Variants in CSMD2 observed in about 807,000 individuals in gnomAD.
CSMD2 encodes the protein CUB and Sushi multiple domains 2, also known as CUB and sushi domain-containing protein 2.
Under a neutral mutation model 398.5 loss-of-function variants are expected in CSMD2, and 130 were observed. The observed-to-expected ratio is 0.33, with a 90% CI of 0.28 to 0.38. CSMD2 has a LOEUF of 0.38. CSMD2 is among the 10% of genes least tolerant of loss of function. The probability of loss-of-function intolerance (pLI) is 1.00; values close to 1 mark genes in which losing one functional copy is unlikely to be tolerated. For missense variants in CSMD2, 3,829 were observed against 4,764.9 expected (o/e 0.80, Z 5.78); for synonymous variants, 1,828 against 1,908.5 (o/e 0.96, Z 1.10).
At chr1:33,544,294 T>A (rs12135313) in intron 57 of CSMD2, among the ~76,000 whole-genome samples, 1 of 149,076 alleles carries the variant, frequency 6.7e-6, no homozygotes, top group Non-Finnish European at 1.5e-5. Context: ...TTTTTTTGTA[T>A]TTTTAGTAGA....
At chr1:33,824,078 A>G (rs932198930) in intron 7 of CSMD2, among the ~76,000 whole-genome samples, 1 of 152,182 alleles carries the variant, frequency 6.6e-6, no homozygotes, top group African/African-American at 2.4e-5. Context: ...TACAGATGTG[A>G]AAACTGAAAC....
In CSMD2 at chr1:33,738,662, T is replaced by A. The variant is rs150346111; in HGVS notation, c.2368+478A>T. Among the ~76,000 whole-genome samples the A allele has an allele frequency of 3.4e-3, 510 of 152,206 alleles. 4 individuals are homozygous for A. The highest frequency in any genetic ancestry group is 0.027 in the Middle Eastern group (8 of 294). The stretch of plus-strand genomic sequence containing the variant: ...GTCTCCTGGAGACTGACCACAAGGA[T>A]ATAAAGTCAGCATTTAACAGGGCAC... On this transcript the variant is annotated intron_variant, in intron 15 of 70. Transcript: ENST00000373381.
chr1:34,142,150 C>A (rs1639352844), intron 1 of CSMD2, among the ~76,000 whole-genome samples: 1 of 152,182 alleles, frequency 6.6e-6, no homozygotes, highest in Non-Finnish European at 1.5e-5. Flanking sequence ...TGTCCCTAAG[C>A]AGCTTCTCTG....
At position 33,976,492 on chromosome 1, in the gene CSMD2, C is replaced by A. The variant is rs546671104; in HGVS notation, c.518-40538G>T. Among the ~76,000 whole-genome samples the A allele has an allele frequency of 2.6e-5, 4 of 152,290 alleles. No individual in the cohort carries two copies. The South Asian group carries it at 8.3e-4, about 32-fold the overall frequency. On this transcript the variant is annotated intron_variant, in intron 3 of 70. Transcript: ENST00000373381. ...GGATGTGGGATGCCCTCTCTGCCTT[C>A]CTGGAGCACCATCTGACCCAGGGAG...
At chr1:33,960,115 T>C (rs996182068) in intron 3 of CSMD2, among the ~76,000 whole-genome samples, 3 of 152,188 alleles carry the variant, frequency 2.0e-5, no homozygotes, top group African/African-American at 2.4e-5. Context: ...CAGCCCACTC[T>C]TACCATCCCT....
In CSMD2 at chr1:33,677,318, C is replaced by T. The variant is rs187493553; in HGVS notation, c.4053-14226G>A. ...GGGCAACGGATATGAACAGATACTT[C>T]TCAAAAGAAGACATTTATGCAGTCA... On this transcript the variant is annotated intron_variant, in intron 25 of 70. Transcript: ENST00000373381. 3.7e-3 allele frequency among the ~76,000 whole-genome samples: 570 copies of T among 152,314 alleles called. 2 individuals are homozygous for T. The highest frequency in any genetic ancestry group is 0.013 in the African/African-American group (544 of 41,558).
In CSMD2 at chr1:33,820,574, A is replaced by AAAAC; in HGVS notation, c.1112-19_1112-18insGTTT. 8.6e-7 allele frequency: 1 copy of AAAAC among 1,161,608 alleles called. No individual in the cohort carries two copies. Among genetic ancestry groups the AAAAC allele is most frequent in the Non-Finnish European group, 1.3e-6 (1 of 793,964 alleles). The allele number at this position is 1,161,608 out of a possible 1,614,324, so 72.0% of individuals were successfully genotyped here. ...CTGAGTTACTACAAGGCAAAAAAAAAAAAAAAAAAAAAAACAGCACACACA... is the reference window on the plus strand; with the variant it reads ...CTGAGTTACTACAAGGCAAAAAAAAAAAACAAAAAAAAAAAAAACAGCACACACA... On this transcript the variant is annotated intron_variant, in intron 7 of 70. Transcript: ENST00000373381.
At chr1:33,811,415 G>A (rs1208864533) in intron 9 of CSMD2, among the ~76,000 whole-genome samples, 2 of 152,120 alleles carry the variant, frequency 1.3e-5, no homozygotes, top group African/African-American at 2.4e-5. Context: ...CTCCTGAAGA[G>A]GAATTTCAGG....
At chr1:33,556,683 T>C (rs1212446990) in intron 55 of CSMD2, among the ~76,000 whole-genome samples, 1 of 152,182 alleles carries the variant, frequency 6.6e-6, no homozygotes, top group Admixed American at 6.5e-5. Flanking sequence ...ACATCTTGAA[T>C]TGTAGTTCCC....
chr1:33,805,007 C>T (rs763119229), intron 10 of CSMD2: 27 of 650,516 alleles, frequency 4.2e-5, no homozygotes, highest in Middle Eastern at 2.7e-4. Context: ...ACACTCTAAG[C>T]GGTGCTCTGC....
rs1644060459 is a variant in CSMD2 at position 33,924,590 on chromosome 1, T to TTTTTA, written c.713-6294_713-6290dup. ...ATTGCTTGATCATATGGTAGTTCTA[T>TTTTTA]TTTTAGTCTTTTGAGAAATCTCCAT... On this transcript the variant is annotated intron_variant, in intron 4 of 70. Coordinates refer to ENST00000373381, the MANE Select transcript of CSMD2 (RefSeq NM_001281956.2). Among the ~76,000 whole-genome samples the TTTTTA allele has an allele frequency of 2.0e-5, 3 of 152,194 alleles. No individual in the cohort carries two copies. In the East Asian group the frequency reaches 5.8e-4, roughly 29 times the overall value.
At chr1:33,836,333 C>G (rs1660261266) in intron 6 of CSMD2, among the ~76,000 whole-genome samples, 1 of 152,204 alleles carries the variant, frequency 6.6e-6, no homozygotes, top group East Asian at 1.9e-4. Context: ...AGGAGGCAGT[C>G]TGCCCGCTCT....
intron 10 of CSMD2, among the ~76,000 whole-genome samples, chr1:33,809,400 G>A (rs180692344): frequency 5.3e-4 from 80 of 152,038 alleles, no homozygotes; most frequent in Non-Finnish European, 8.5e-4. Flanking sequence ...GAATAAAGGA[G>A]AAAAATTATA....
chr1:34,141,032 TTTTGAGG>T (rs1179526755), intron 1 of CSMD2, among the ~76,000 whole-genome samples: 1 of 152,056 alleles, frequency 6.6e-6, no homozygotes, highest in Non-Finnish European at 1.5e-5. Context: ...ATATAGGGCC[TTTTGAGG>T]TTTGGAGGCT....
At position 33,905,696 on chromosome 1, in the gene CSMD2, T is replaced by C. The variant is rs141446051; in HGVS notation, c.920+12398A>G. 5.2e-3 allele frequency among the ~76,000 whole-genome samples: 793 copies of C among 152,212 alleles called. 5 individuals are homozygous for C. The highest frequency in any genetic ancestry group is 0.018 in the African/African-American group (757 of 41,508). On this transcript the variant is annotated intron_variant, in intron 5 of 70. Transcript: ENST00000373381. ...CCTTTATGGTGTTAGAAGTGCTCAA[T>C]AGAGAGAACAATTGTGGAATGCAAG...
At chr1:33,597,485 G>A (rs373833494) in intron 44 of CSMD2, among the ~76,000 whole-genome samples, 2 of 152,180 alleles carry the variant, frequency 1.3e-5, no homozygotes, top group African/African-American at 4.8e-5. Context: ...TCACAGAGCA[G>A]GAAGCATGAA....
At chr1:33,674,793 G>T (rs533476525) in intron 25 of CSMD2, among the ~76,000 whole-genome samples, 9 of 152,298 alleles carry the variant, frequency 5.9e-5, no homozygotes, top group African/African-American at 2.2e-4. Flanking sequence ...TAGAACTCAG[G>T]GTTAAGAAAC....
intron 13 of CSMD2, among the ~76,000 whole-genome samples, chr1:33,766,839 C>T (rs1043067661): frequency 1.3e-5 from 2 of 152,130 alleles, no homozygotes; most frequent in Admixed American, 1.3e-4. Flanking sequence ...AGAGGCATGC[C>T]ATGTTTCTGG....
At chr1:33,973,827 C>A (rs1570681687) in intron 3 of CSMD2, among the ~76,000 whole-genome samples, 1 of 152,036 alleles carries the variant, frequency 6.6e-6, no homozygotes, top group Non-Finnish European at 1.5e-5. Flanking sequence ...TGGGGAGTGA[C>A]CAGGGCAGAG....
Sources: gnomAD v4.1 joint callset for allele counts (sites outside exome capture counted in the v4.1 genomes callset) on GRCh38, gnomAD v4.1.1 for gene constraint, MANE v1.5 for transcripts, NCBI Gene and HGNC (gene_info 2026-07-23, HGNC 2026-07-21) for gene names.